Variants in MDGA2 observed in about 807,000 individuals in gnomAD.
MDGA2 encodes the protein MAM domain-containing glycosylphosphatidylinositol anchor protein 2.
In MDGA2, 40 loss-of-function variants were observed where a neutral mutation model predicts 117.8. The ratio of observed to expected loss-of-function variants is 0.34; its 90% CI spans 0.26 to 0.44. MDGA2 has a LOEUF of 0.44. MDGA2 is among the 20% of genes least tolerant of loss of function. MDGA2 has a pLI of 1.00. For synonymous variants in MDGA2, 452 were observed against 439.0 expected, an observed-to-expected ratio of 1.03 and a Z score of -0.37; for missense variants, 1,123 against 1,250.6, an observed-to-expected ratio of 0.90 and a Z score of 1.54.
chr14:47,674,495 A>C lies in MDGA2; in HGVS notation c.280+22T>G, dbSNP rs1898137848. On this transcript the variant is annotated intron_variant, in intron 1 of 16. Coordinates refer to ENST00000399232, the MANE Select transcript of MDGA2 (RefSeq NM_001113498.3). ...CTTGCCTAAGAATCACAAGGTCACG[A>C]TAGCGTCGCGATTCCACTCACCGTA... is the stretch of plus-strand genomic sequence containing the variant. 2.6e-6 allele frequency: 4 copies of C among 1,543,750 alleles called. No individual in the cohort carries two copies. In the Admixed American group the frequency reaches 8.1e-5, roughly 31 times the overall value.
At chr14:47,262,319 C>A (rs376336358) in intron 2 of MDGA2, among the ~76,000 whole-genome samples, 8 of 152,194 alleles carry the variant, frequency 5.3e-5, no homozygotes, top group African/African-American at 1.9e-4. Flanking sequence ...AATCAGACAA[C>A]CTTGTTTTGA....
At chr14:47,389,462 A>C (rs1050334017) in intron 1 of MDGA2, among the ~76,000 whole-genome samples, 1 of 152,180 alleles carries the variant, frequency 6.6e-6, no homozygotes, top group Non-Finnish European at 1.5e-5. Context: ...TAGAATACTT[A>C]TTTTTAATCT....
chr14:47,298,690 T>TTC lies in MDGA2; in HGVS notation c.420+2720_420+2721insGA, dbSNP rs1417919572. On this transcript the variant is annotated intron_variant, in intron 2 of 16. Coordinates refer to ENST00000399232, the MANE Select transcript of MDGA2 (RefSeq NM_001113498.3). ...GAGGCCCACTTAATTTTTCTTTTTT[T>TTC]TTTTTTTTTTTTGAGACAGAGTCTC... Among the ~76,000 whole-genome samples, 11 of 148,378 alleles carry TTC rather than the reference T, an allele frequency of 7.4e-5. 2 individuals carry two copies. In the Admixed American group the frequency reaches 7.4e-4, roughly 10 times the overall value.
intron 1 of MDGA2, among the ~76,000 whole-genome samples, chr14:47,472,275 G>A (rs1221957566): frequency 2.0e-5 from 3 of 152,078 alleles, no homozygotes; most frequent in Non-Finnish European, 4.4e-5. Context: ...TGCATCACTA[G>A]GCAATTCTGT....
chr14:47,111,046 C>A (rs1297374445), intron 5 of MDGA2, among the ~76,000 whole-genome samples: 1 of 152,158 alleles, frequency 6.6e-6, no homozygotes, highest in Non-Finnish European at 1.5e-5. Flanking sequence ...CAAAATCCTG[C>A]CCTTGTGGAG....
chr14:47,267,404 T>C (rs532012835), intron 2 of MDGA2, among the ~76,000 whole-genome samples: 166 of 152,276 alleles, frequency 1.1e-3, no homozygotes, highest in Non-Finnish European at 1.9e-3. Flanking sequence ...TCATCATAAC[T>C]AATGTTAATG....
At chr14:46,995,114 T>C (rs1337249459) in intron 8 of MDGA2, among the ~76,000 whole-genome samples, 1 of 152,152 alleles carries the variant, frequency 6.6e-6, no homozygotes, top group Admixed American at 6.6e-5. Context: ...TGGCGATAAA[T>C]ATTTTATGAA....
At chr14:46,921,128 T>C (rs1472869322) in intron 9 of MDGA2, among the ~76,000 whole-genome samples, 1 of 152,156 alleles carries the variant, frequency 6.6e-6, no homozygotes. Context: ...TGAGAACCTA[T>C]TCAATGCAAA....
intron 6 of MDGA2, among the ~76,000 whole-genome samples, chr14:47,076,312 A>G (rs1890489256): frequency 6.6e-6 from 1 of 152,118 alleles, no homozygotes; most frequent in Non-Finnish European, 1.5e-5. Flanking sequence ...AAACAAAAAT[A>G]TAAAATGTGG....
intron 1 of MDGA2, among the ~76,000 whole-genome samples, chr14:47,322,338 G>C (rs1052684081): frequency 6.6e-6 from 1 of 152,176 alleles, no homozygotes; most frequent in Admixed American, 6.5e-5. Context: ...AAGCTTTAAA[G>C]TGTGAAAATT....
At chr14:47,386,805 T>C (rs941625753) in intron 1 of MDGA2, among the ~76,000 whole-genome samples, 7 of 152,274 alleles carry the variant, frequency 4.6e-5, no homozygotes, top group African/African-American at 1.7e-4. Context: ...TCTGTGAGCA[T>C]AAACTCATGA....
At position 47,612,336 on chromosome 14, in the gene MDGA2, G is replaced by C. The variant is rs185656047; in HGVS notation, c.280+62181C>G. 1.7e-3 allele frequency among the ~76,000 whole-genome samples: 258 copies of C among 152,102 alleles called. 1 individual carries two copies. The highest frequency in any genetic ancestry group is 2.9e-3 in the Non-Finnish European group (198 of 67,978). On this transcript the variant is annotated intron_variant, in intron 1 of 16. Coordinates refer to ENST00000399232, the MANE Select transcript of MDGA2 (RefSeq NM_001113498.3). ...TCACAGTATAAAAGCTTATTCAATAGAATTCATGTAATTTAGGAGGTTACA... is the reference window on the plus strand; with the variant it reads ...TCACAGTATAAAAGCTTATTCAATACAATTCATGTAATTTAGGAGGTTACA...
chr14:47,174,918 A>G lies in MDGA2; in HGVS notation c.596-30644T>C, dbSNP rs539455627. On this transcript the variant is annotated intron_variant, in intron 3 of 16. Transcript: ENST00000399232. Reference sequence around the variant, plus strand: ...GACTGCTTGCAAGACTAATAAAGAAAAAAAGAGAGAAGAATCAAATAGATG... The same window carrying G: ...GACTGCTTGCAAGACTAATAAAGAAGAAAAGAGAGAAGAATCAAATAGATG... Among the ~76,000 whole-genome samples the G allele has an allele frequency of 4.6e-5, 7 of 152,254 alleles. No homozygotes were observed. In the East Asian group the frequency reaches 9.7e-4, roughly 21 times the overall value.
chr14:47,169,332 T>A (rs1884023972), intron 3 of MDGA2, among the ~76,000 whole-genome samples: 1 of 151,878 alleles, frequency 6.6e-6, no homozygotes, highest in Non-Finnish European at 1.5e-5. Context: ...AATTAATTAA[T>A]TATACAAGGA....
chr14:47,120,063 C>T (rs370916597), intron 5 of MDGA2, among the ~76,000 whole-genome samples: 120 of 152,290 alleles, frequency 7.9e-4, no homozygotes, highest in African/African-American at 2.7e-3. Context: ...AAAGACACTA[C>T]ACTACCCAGT....
intron 1 of MDGA2, among the ~76,000 whole-genome samples, chr14:47,558,420 C>T (rs1895728906): frequency 6.6e-6 from 1 of 152,164 alleles, no homozygotes. Flanking sequence ...CTGAAAATGA[C>T]TGACTCACTC....
chr14:47,279,658 TAAAA>T (rs1272040756), intron 2 of MDGA2, among the ~76,000 whole-genome samples: 60 of 150,138 alleles, frequency 4.0e-4, no homozygotes, highest in Non-Finnish European at 6.1e-4. Flanking sequence ...TGATTTTTTT[TAAAA>T]AAAAATCATG....
chr14:47,041,432 T>C (rs183017186), intron 7 of MDGA2, among the ~76,000 whole-genome samples: 73 of 152,224 alleles, frequency 4.8e-4, no homozygotes, highest in Non-Finnish European at 9.0e-4. Context: ...TCCCCATTTA[T>C]GCAATGTACT....
At chr14:47,071,481 A>C (rs1198657309) in intron 6 of MDGA2, among the ~76,000 whole-genome samples, 1 of 152,116 alleles carries the variant, frequency 6.6e-6, no homozygotes, top group Non-Finnish European at 1.5e-5. Context: ...CTTTTTGAAA[A>C]AGTATACCCT....
Sources: gnomAD v4.1 joint callset for allele counts (sites outside exome capture counted in the v4.1 genomes callset) on GRCh38, gnomAD v4.1.1 for gene constraint, MANE v1.5 for transcripts, NCBI Gene and HGNC (gene_info 2026-07-23, HGNC 2026-07-21) for gene names.